TP73: variants seen among roughly 807,000 people sequenced by gnomAD.
The protein encoded by TP73 is tumor protein p73.
A neutral mutation model predicts 62.5 loss-of-function variants in TP73; 25 were observed. The ratio of observed to expected loss-of-function variants is 0.40; its 90% CI spans 0.29 to 0.56. The LOEUF (loss-of-function observed/expected upper bound fraction) is 0.56, where lower values mean the gene tolerates loss of function less well. Among genes scored for constraint, TP73 ranks in the 20% least tolerant of loss-of-function variants. The pLI is 0.46. For missense variants in TP73, 754 were observed against 913.3 expected, an observed-to-expected ratio of 0.83 and a Z score of 2.25; for synonymous variants, 423 against 377.5, an observed-to-expected ratio of 1.12 and a Z score of -1.40.
chr1:3,709,153 G>A (rs1318395922), intron 4 of TP73, among the ~76,000 whole-genome samples: 4 of 152,258 alleles, frequency 2.6e-5, no homozygotes, highest in East Asian at 3.9e-4. Context: ...GGCCCCGCCC[G>A]CCCCCACCTG....
At chr1:3,704,647 ACAAGTGCAGGCTT>A (rs1639478102) in intron 3 of TP73, among the ~76,000 whole-genome samples, 1 of 152,320 alleles carries the variant, frequency 6.6e-6, no homozygotes, top group South Asian at 2.1e-4. Context: ...TGTGCAGACC[ACAAGTGCAGGCTT>A]CCAGGAAGGG....
At chr1:3,655,779 A>AAC (rs955744483) in intron 1 of TP73, among the ~76,000 whole-genome samples, 53 of 152,306 alleles carry the variant, frequency 3.5e-4, no homozygotes, top group African/African-American at 1.3e-3. Flanking sequence ...GTATAATGAA[A>AAC]ACACACAATG....
At chr1:3,665,097 TC>T (rs1347827288) in intron 1 of TP73, among the ~76,000 whole-genome samples, 4 of 152,204 alleles carry the variant, frequency 2.6e-5, no homozygotes, top group African/African-American at 7.2e-5. Context: ...GGTCTCTCCT[TC>T]CTGCTATCAC....
chr1:3,727,237 C>A lies in TP73; in HGVS notation c.842+13C>A, dbSNP rs1439065248. On this transcript the variant is annotated intron_variant, in intron 7 of 13. Transcript: ENST00000378295. ...TGGAGATGCGGGAGTGAGTCCCGGG[C>A]ACACGGGGTGGAGGTGGGACAGGGC... The A allele has an allele frequency of 2.5e-6, 4 of 1,608,456 alleles. No individual in the cohort carries two copies. Among genetic ancestry groups the A allele is most frequent in the Non-Finnish European group, 3.4e-6 (4 of 1,176,876 alleles).
At chr1:3,727,503 G>A in intron 7 of TP73, 125 bp from the exon 8 acceptor site, 1 of 1,356,410 alleles carries the variant, frequency 7.4e-7, no homozygotes, top group Non-Finnish European at 1.0e-6. Context: ...TGCCGGCACT[G>A]GGTGCTCTGT....
chr1:3,724,033 TG>T (rs1198941068), intron 6 of TP73, among the ~76,000 whole-genome samples: 4 of 53,384 alleles, frequency 7.5e-5, no homozygotes, highest in African/African-American at 3.0e-4. Context: ...ACCACGTGGG[TG>T]GGGGGTGCAG....
chr1:3,727,000 G>T, intron 6 of TP73, 115 bp from the exon 7 acceptor site: 1 of 796,182 alleles, frequency 1.3e-6, no homozygotes. Flanking sequence ...CTATAGAGCA[G>T]GGCATCCCCC....
chr1:3,726,560 G>A (rs1456138422), intron 6 of TP73, among the ~76,000 whole-genome samples: 3 of 146,942 alleles, frequency 2.0e-5, no homozygotes, highest in Non-Finnish European at 3.0e-5. Context: ...GGATGGATGG[G>A]TAGATAATAA....
chr1:3,684,576 G>T (rs976672970), intron 3 of TP73, among the ~76,000 whole-genome samples: 9 of 152,190 alleles, frequency 5.9e-5, no homozygotes, highest in African/African-American at 1.4e-4. Flanking sequence ...GAAGCGGGGT[G>T]GGGGAGTGTA....
intron 2 of TP73, 112 bp downstream of exon 2, chr1:3,682,542 AGGACTCTG>A (rs1231046162): frequency 5.4e-6 from 6 of 1,102,204 alleles, no homozygotes; most frequent in Non-Finnish European, 6.1e-6. Context: ...TGGCCCCGGG[AGGACTCTG>A]GGCTAGCCCC....
At chr1:3,713,302 C>T (rs1262572600) in intron 4 of TP73, among the ~76,000 whole-genome samples, 2 of 152,198 alleles carry the variant, frequency 1.3e-5, no homozygotes, top group African/African-American at 4.8e-5. Flanking sequence ...GGGGACCGGC[C>T]TCTCCTGGTG....
At position 3,716,234 on chromosome 1, in the gene TP73, C is replaced by T. The variant is rs151040652; in HGVS notation, c.430-5787C>T. 2.0e-3 allele frequency among the ~76,000 whole-genome samples: 301 copies of T among 152,324 alleles called. 2 individuals carry two copies. The highest frequency in any genetic ancestry group is 0.014 in the Admixed American group (209 of 15,304). On this transcript the variant is annotated intron_variant, in intron 4 of 13. Coordinates refer to ENST00000378295, the MANE Select transcript of TP73 (RefSeq NM_005427.4). ...CATAGAGCTCCTGGCCTGGGAGCCC[C>T]GGCTGGCCAGCATGGGGGTGCCAGC...
chr1:3,724,479 C>G (rs1394957182), intron 6 of TP73, among the ~76,000 whole-genome samples: 1 of 152,164 alleles, frequency 6.6e-6, no homozygotes, highest in African/African-American at 2.4e-5. Context: ...TCCCACCATC[C>G]TCTAAGAGCA....
rs962462559 is a variant in TP73 at position 3,701,698 on chromosome 1, G to A, written c.187-5851G>A. Among the ~76,000 whole-genome samples the A allele has an allele frequency of 1.9e-4, 29 of 152,020 alleles. No homozygotes were observed. The highest frequency in any genetic ancestry group is 5.2e-4 in the Admixed American group (8 of 15,270). Reference sequence around the variant, plus strand: ...TTTTTTTTGTAGTTTTAGTAGAGACGGGGTTTCACCATATTGGCTAGGCCA... The same window carrying A: ...TTTTTTTTGTAGTTTTAGTAGAGACAGGGTTTCACCATATTGGCTAGGCCA... On this transcript the variant is annotated intron_variant, in intron 3 of 13. Coordinates refer to ENST00000378295, the MANE Select transcript of TP73 (RefSeq NM_005427.4). This position sits in a 1 kb window ranked among gnomAD's most constrained non-coding sequence, Gnocchi z 4.7.
At chr1:3,682,282 A>C in intron 1 of TP73, 51 bp from the exon 2 acceptor site, 1 of 1,332,280 alleles carries the variant, frequency 7.5e-7, no homozygotes, top group Non-Finnish European at 9.9e-7. Flanking sequence ...TCACAGGAGG[A>C]CAGAGCACGA....
intron 1 of TP73, among the ~76,000 whole-genome samples, chr1:3,678,315 G>A (rs933894158): frequency 2.0e-5 from 3 of 152,212 alleles, no homozygotes; most frequent in Non-Finnish European, 4.4e-5. Context: ...CCTGAAAGGC[G>A]GCTGTGGGCA....
At chr1:3,716,232 C>T (rs1395388908) in intron 4 of TP73, among the ~76,000 whole-genome samples, 3 of 152,212 alleles carry the variant, frequency 2.0e-5, no homozygotes, top group Non-Finnish European at 4.4e-5. Flanking sequence ...GCCTGGGAGC[C>T]CCGGCTGGCC....
intron 6 of TP73, 50 bp downstream of exon 6, chr1:3,723,519 GTC>G: frequency 3.6e-6 from 4 of 1,115,894 alleles, no homozygotes; most frequent in Non-Finnish European, 2.7e-6. Flanking sequence ...AGCTGTACGG[GTC>G]GGGGGAGGGG....
intron 1 of TP73, among the ~76,000 whole-genome samples, chr1:3,678,481 T>C (rs1181339051): frequency 6.6e-6 from 1 of 152,254 alleles, no homozygotes; most frequent in Non-Finnish European, 1.5e-5. Context: ...CGCCTGTGCC[T>C]GTGAGCAGTG....
Sources: allele counts gnomAD v4.1 joint callset (sites outside exome capture counted in the v4.1 genomes callset), GRCh38; gene constraint gnomAD v4.1.1; non-coding constraint Gnocchi (gnomAD v3.1); transcripts MANE v1.5; gene names NCBI Gene and HGNC (gene_info 2026-07-23, HGNC 2026-07-21).